Variants in ITPK1 observed in about 807,000 individuals in gnomAD.
ITPK1 encodes inositol-tetrakisphosphate 1-kinase.
In ITPK1, 21 loss-of-function variants were observed where a neutral mutation model predicts 45.3. That is an observed-to-expected ratio of 0.46 (90% CI 0.33 to 0.67). The LOEUF (loss-of-function observed/expected upper bound fraction) is 0.67, where lower values mean the gene tolerates loss of function less well. ITPK1 is among the 30% of genes least tolerant of loss of function. ITPK1 has a pLI of 0.02. For synonymous variants in ITPK1, 258 were observed against 253.6 expected (o/e 1.02, Z -0.16); for missense variants, 474 against 573.5 (o/e 0.83, Z 1.77).
intron 7 of ITPK1, among the ~76,000 whole-genome samples, chr14:92,961,972 A>C (rs984804102): frequency 2.6e-5 from 4 of 152,314 alleles, no homozygotes; most frequent in Admixed American, 2.6e-4. Context: ...CCAGAAACTG[A>C]CCCTGCTGGC....
At position 93,042,436 on chromosome 14, in the gene ITPK1, A is replaced by G. The variant is rs1055675234; in HGVS notation, c.121-25635T>C. Among the ~76,000 whole-genome samples the G allele has an allele frequency of 3.9e-5, 6 of 152,310 alleles. 1 individual carries two copies. The South Asian group carries it at 8.3e-4, about 21-fold the overall frequency. On this transcript the variant is annotated intron_variant, in intron 3 of 10. Coordinates refer to ENST00000267615, the MANE Select transcript of ITPK1 (RefSeq NM_014216.6). ...ATGTTTGGGTCACCAAAACCCTCCT[A>G]ACATGCAGCCATTTGCCAAAAGGAT...
intron 1 of ITPK1, 138 bp from the exon 2 acceptor site, chr14:93,115,443 A>G (rs1205780529): frequency 2.0e-5 from 3 of 146,486 alleles, no homozygotes; most frequent in Middle Eastern, 3.5e-3. Context: ...CCGCCCGCCC[A>G]CCGGCTCGCG....
intron 3 of ITPK1, among the ~76,000 whole-genome samples, chr14:93,057,392 ACACT>A (rs1890251492): frequency 1.3e-5 from 2 of 152,212 alleles, no homozygotes; most frequent in African/African-American, 4.8e-5. Context: ...TCCCACATGC[ACACT>A]CACTCACACA....
At chr14:93,049,283 C>T (rs1889908653) in intron 3 of ITPK1, among the ~76,000 whole-genome samples, 1 of 152,222 alleles carries the variant, frequency 6.6e-6, no homozygotes, top group South Asian at 2.1e-4. Context: ...GCATGCAGGG[C>T]TCTGTGCTAA....
At chr14:93,033,610 A>G (rs942761870) in intron 3 of ITPK1, among the ~76,000 whole-genome samples, 3 of 152,130 alleles carry the variant, frequency 2.0e-5, no homozygotes, top group Non-Finnish European at 4.4e-5. Context: ...TCCTGCTGAG[A>G]AAACCAAACA....
chr14:93,016,364 A>G lies in ITPK1; in HGVS notation c.246+312T>C, dbSNP rs12433984. On this transcript the variant is annotated intron_variant, in intron 4 of 10. Coordinates refer to ENST00000267615, the MANE Select transcript of ITPK1 (RefSeq NM_014216.6). This position sits in a 1 kb window ranked among gnomAD's most constrained non-coding sequence, Gnocchi z 5.0. ...TACCTGAGCCAGGGGAAAGGGTTGC[A>G]CATGCCTGTGCTGAGGACGTGGAGG... Among the ~76,000 whole-genome samples, 43,950 of 152,032 alleles carry G rather than the reference A, an allele frequency of 0.29. 6,605 individuals carry two copies. Among genetic ancestry groups the G allele is most frequent in the Admixed American group, 0.37 (5,620 of 15,288 alleles).
chr14:93,042,910 C>T (rs964259232), intron 3 of ITPK1, among the ~76,000 whole-genome samples: 3 of 151,878 alleles, frequency 2.0e-5, no homozygotes, highest in African/African-American at 4.8e-5. Context: ...CGCAGCTACT[C>T]GGGAGGCTGA....
chr14:93,052,205 A>G lies in ITPK1; in HGVS notation c.120+24390T>C, dbSNP rs566455694. On this transcript the variant is annotated intron_variant, in intron 3 of 10. Transcript: ENST00000267615. The stretch of plus-strand genomic sequence containing the variant: ...AATTTCCATATCCAAAAGGTAGGAT[A>G]ATTAATTGTCCCTGCAGCTTGTAGG... 3.7e-4 allele frequency among the ~76,000 whole-genome samples: 57 copies of G among 152,332 alleles called. 1 individual carries two copies. Among genetic ancestry groups the G allele is most frequent in the Non-Finnish European group, 1.8e-4 (12 of 68,032 alleles).
intron 5 of ITPK1, among the ~76,000 whole-genome samples, chr14:92,976,296 T>G (rs533239801): frequency 8.0e-4 from 122 of 152,310 alleles, no homozygotes; most frequent in African/African-American, 2.2e-3. Context: ...GCTGTTCCCT[T>G]GAATGTGAAC....
intron 7 of ITPK1, among the ~76,000 whole-genome samples, chr14:92,960,284 G>T (rs891866329): frequency 6.6e-6 from 1 of 152,166 alleles, no homozygotes; most frequent in Non-Finnish European, 1.5e-5. Flanking sequence ...ATACTTGAGG[G>T]CTGAGAGTCC....
At chr14:92,973,797 C>T (rs1254736225) in intron 5 of ITPK1, among the ~76,000 whole-genome samples, 1 of 152,200 alleles carries the variant, frequency 6.6e-6, no homozygotes, top group African/African-American at 2.4e-5. Flanking sequence ...GGGTGAGAGG[C>T]CCCGGGATGC....
intron 3 of ITPK1, among the ~76,000 whole-genome samples, chr14:93,050,667 G>C (rs1374413586): frequency 2.6e-5 from 4 of 152,080 alleles, no homozygotes; most frequent in African/African-American, 9.7e-5. Flanking sequence ...CCAAGCCCTG[G>C]ATGTGAGGGG....
At chr14:92,966,079 G>T (rs1034492266) in intron 5 of ITPK1, among the ~76,000 whole-genome samples, 1 of 152,206 alleles carries the variant, frequency 6.6e-6, no homozygotes, top group Admixed American at 6.5e-5. Flanking sequence ...GCAGTGGCAC[G>T]ATCACAGCTC....
intron 2 of ITPK1, among the ~76,000 whole-genome samples, chr14:93,111,816 G>A (rs1892767157): frequency 6.6e-6 from 1 of 151,840 alleles, no homozygotes; most frequent in African/African-American, 2.4e-5. Flanking sequence ...AACACAACCA[G>A]AGCCGTGTCC....
intron 3 of ITPK1, chr14:93,071,094 C>T (rs1352956362): frequency 6.5e-6 from 1 of 154,026 alleles, no homozygotes; most frequent in African/African-American, 2.4e-5. Flanking sequence ...GCCCAACTCC[C>T]TGCTCTAAAC....
intron 10 of ITPK1, among the ~76,000 whole-genome samples, chr14:92,944,034 C>T (rs890936528): frequency 6.6e-6 from 1 of 152,236 alleles, no homozygotes; most frequent in African/African-American, 2.4e-5. Context: ...ATTCCAGCGG[C>T]CCTTTGCACA....
intron 9 of ITPK1, among the ~76,000 whole-genome samples, chr14:92,951,233 G>A (rs1007654202): frequency 3.3e-5 from 5 of 152,246 alleles, no homozygotes; most frequent in African/African-American, 7.2e-5. Flanking sequence ...ACAGCAGAGG[G>A]TAGCCTTTCC....
intron 2 of ITPK1, among the ~76,000 whole-genome samples, chr14:93,114,795 G>A (rs1892872856): frequency 6.6e-6 from 1 of 152,120 alleles, no homozygotes; most frequent in Non-Finnish European, 1.5e-5. Flanking sequence ...CTCCCACCGC[G>A]CCCTGGGCTG....
chr14:92,990,209 T>C (rs1886709926), intron 5 of ITPK1, among the ~76,000 whole-genome samples: 1 of 152,184 alleles, frequency 6.6e-6, no homozygotes, highest in Non-Finnish European at 1.5e-5. Context: ...CACAAAAACA[T>C]GTCACTGGAT....
Sources: allele counts gnomAD v4.1 joint callset (sites outside exome capture counted in the v4.1 genomes callset), GRCh38; gene constraint gnomAD v4.1.1; non-coding constraint Gnocchi (gnomAD v3.1); transcripts MANE v1.5; gene names NCBI Gene and HGNC (gene_info 2026-07-23, HGNC 2026-07-21).